CAMKMT: variants seen among roughly 807,000 people sequenced by gnomAD.
CAMKMT encodes calmodulin-lysine N-methyltransferase, also known as CaM KMT.
Under a neutral mutation model 48.0 loss-of-function variants are expected in CAMKMT, and 53 were observed. The observed-to-expected ratio is 1.10, with a 90% CI of 0.89 to 1.39. CAMKMT has a LOEUF of 1.39. Among genes scored for constraint, CAMKMT ranks in the 40% most tolerant of loss-of-function variants. CAMKMT has a pLI of 0.00. For missense variants in CAMKMT, 428 were observed against 402.7 expected (o/e 1.06, Z -0.54); for synonymous variants, 165 against 152.3 (o/e 1.08, Z -0.61).
intron 3 of CAMKMT, among the ~76,000 whole-genome samples, chr2:44,626,857 G>T (rs1023053787): frequency 6.6e-6 from 1 of 152,192 alleles, no homozygotes; most frequent in African/African-American, 2.4e-5. Context: ...TAGTCTGTAT[G>T]TCTTGATTTC....
intron 9 of CAMKMT, among the ~76,000 whole-genome samples, chr2:44,764,741 G>T (rs1333001190): frequency 6.6e-6 from 1 of 152,194 alleles, no homozygotes; most frequent in African/African-American, 2.4e-5. Flanking sequence ...TGTACAGGTT[G>T]TTGAGAAGAT....
At chr2:44,627,697 CTTTT>C (rs1174344846) in intron 3 of CAMKMT, among the ~76,000 whole-genome samples, 3 of 75,098 alleles carry the variant, frequency 4.0e-5, no homozygotes, top group Admixed American at 1.7e-4. Flanking sequence ...CCATTTTATC[CTTTT>C]TTTTTTTTTT....
intron 3 of CAMKMT, among the ~76,000 whole-genome samples, chr2:44,416,014 A>G (rs1392294872): frequency 1.3e-5 from 2 of 151,778 alleles, no homozygotes; most frequent in Non-Finnish European, 3.0e-5. Flanking sequence ...GTGAACTAAC[A>G]TTATTCAAAA....
At chr2:44,475,413 G>T (rs2603259) in intron 3 of CAMKMT, among the ~76,000 whole-genome samples, 2 of 151,652 alleles carry the variant, frequency 1.3e-5, no homozygotes, top group Non-Finnish European at 2.9e-5. Flanking sequence ...CGCCTCCTGG[G>T]TTCTAGTGAT....
rs1279403627 is a variant in CAMKMT at position 44,633,449 on chromosome 2, T to C, written c.377-70834T>C. Among the ~76,000 whole-genome samples, 4 of 152,184 alleles carry C rather than the reference T, an allele frequency of 2.6e-5. No individual in the cohort carries two copies. In the East Asian group the frequency reaches 7.7e-4, roughly 29 times the overall value. On this transcript the variant is annotated intron_variant, in intron 3 of 10. Transcript: ENST00000378494. Reference sequence around the variant, plus strand: ...AATATGTCACTGAGGCTCTGTTGTTTTTCGTTTTTTACCCCTTTCTCTTTC... The same window carrying C: ...AATATGTCACTGAGGCTCTGTTGTTCTTCGTTTTTTACCCCTTTCTCTTTC...
chr2:44,410,247 A>AT (rs1164693728), intron 3 of CAMKMT, among the ~76,000 whole-genome samples: 254 of 19,486 alleles, frequency 0.013, 61 homozygotes, highest in Non-Finnish European at 0.019. Context: ...ATATATATAT[A>AT]TTTTTTTTTT....
In CAMKMT at chr2:44,527,365, G is replaced by A. The variant is rs539170895; in HGVS notation, c.376+137060G>A. Among the ~76,000 whole-genome samples the A allele has an allele frequency of 3.0e-4, 40 of 133,382 alleles. 1 individual carries two copies. The highest frequency in any genetic ancestry group is 1.3e-3 in the Admixed American group (16 of 12,628). The allele number at this position is 133,382 out of a possible 152,430, so 87.5% of individuals were successfully genotyped here. A position where few individuals can be genotyped will look rare whatever the true frequency, so the allele number is the denominator to read the frequency against. On this transcript the variant is annotated intron_variant, in intron 3 of 10. Transcript: ENST00000378494. ...ATATATACATATATAATATATATACGTATATACATACATATAATATATAAT... is the reference window on the plus strand; with the variant it reads ...ATATATACATATATAATATATATACATATATACATACATATAATATATAAT...
chr2:44,576,270 G>A (rs1394987038), intron 3 of CAMKMT, among the ~76,000 whole-genome samples: 2 of 150,420 alleles, frequency 1.3e-5, no homozygotes, highest in African/African-American at 4.9e-5. Flanking sequence ...AGAGGTTGCA[G>A]TGAGCCGAGA....
Position 44,752,066 on chromosome 2 carries a change from A to G in CAMKMT, c.699-1989A>G, listed in dbSNP as rs551604913. On this transcript the variant is annotated intron_variant, in intron 8 of 10. Coordinates refer to ENST00000378494, the MANE Select transcript of CAMKMT (RefSeq NM_024766.5). ...AACACTGGGGATCACATTTCAACACAAGATTTGGAGGGGAGAAACATCCGA... is the reference window on the plus strand; with the variant it reads ...AACACTGGGGATCACATTTCAACACGAGATTTGGAGGGGAGAAACATCCGA... Among the ~76,000 whole-genome samples the G allele has an allele frequency of 3.0e-4, 45 of 152,082 alleles. 3 individuals are homozygous for G. The South Asian group carries it at 8.1e-3, about 27-fold the overall frequency.
chr2:44,442,823 G>C (rs1271387458), intron 3 of CAMKMT, among the ~76,000 whole-genome samples: 3 of 152,140 alleles, frequency 2.0e-5, no homozygotes, highest in African/African-American at 7.2e-5. Flanking sequence ...TGAGCTGCTG[G>C]AGCAGGGATT....
At chr2:44,420,573 A>G (rs1225743376) in intron 3 of CAMKMT, among the ~76,000 whole-genome samples, 1 of 151,734 alleles carries the variant, frequency 6.6e-6, no homozygotes, top group African/African-American at 2.4e-5. Context: ...AACTATATAT[A>G]TATATATTTT....
chr2:44,499,202 A>T (rs1472860341), intron 3 of CAMKMT, among the ~76,000 whole-genome samples: 1 of 152,198 alleles, frequency 6.6e-6, no homozygotes, highest in African/African-American at 2.4e-5. Flanking sequence ...TGTAAGTATT[A>T]TTTGAATGAT....
intron 2 of CAMKMT, among the ~76,000 whole-genome samples, chr2:44,375,732 C>A (rs1050736835): frequency 9.2e-5 from 14 of 151,836 alleles, no homozygotes; most frequent in African/African-American, 3.4e-4. Context: ...CAGTCTTTAG[C>A]TGGAGGAATG....
chr2:44,638,471 T>G (rs1407546225), intron 3 of CAMKMT, among the ~76,000 whole-genome samples: 1 of 152,154 alleles, frequency 6.6e-6, no homozygotes, highest in African/African-American at 2.4e-5. Context: ...AAGTCTAAAA[T>G]CCTGCCATCT....
chr2:44,606,965 G>A (rs1558740195), intron 3 of CAMKMT, among the ~76,000 whole-genome samples: 4 of 152,148 alleles, frequency 2.6e-5, no homozygotes, highest in Admixed American at 1.3e-4. Context: ...CTTAGGTAGA[G>A]TCTGAATTGT....
intron 3 of CAMKMT, among the ~76,000 whole-genome samples, chr2:44,397,315 C>T (rs1027175518): frequency 3.3e-5 from 5 of 152,132 alleles, no homozygotes; most frequent in African/African-American, 7.2e-5. Context: ...TATTTAAGGT[C>T]ATCAATGCAT....
chr2:44,474,442 G>A (rs202133046), intron 3 of CAMKMT, among the ~76,000 whole-genome samples: 308 of 135,792 alleles, frequency 2.3e-3, no homozygotes, highest in Middle Eastern at 0.016. Context: ...GCGAGACTCC[G>A]TCTCAAAAAA....
At chr2:44,423,234 C>T (rs1016492404) in intron 3 of CAMKMT, among the ~76,000 whole-genome samples, 1 of 152,206 alleles carries the variant, frequency 6.6e-6, no homozygotes, top group South Asian at 2.1e-4. Flanking sequence ...GGCTGCAGTG[C>T]AATGGTGCGA....
intron 3 of CAMKMT, among the ~76,000 whole-genome samples, chr2:44,601,111 G>A (rs760771776): frequency 6.6e-6 from 1 of 152,014 alleles, no homozygotes; most frequent in Non-Finnish European, 1.5e-5. Flanking sequence ...CAGTTAAAAA[G>A]TACCAAAATA....
Sources: gnomAD v4.1 joint callset for allele counts (sites outside exome capture counted in the v4.1 genomes callset) on GRCh38, gnomAD v4.1.1 for gene constraint, MANE v1.5 for transcripts, NCBI Gene and HGNC (gene_info 2026-07-23, HGNC 2026-07-21) for gene names.